The following ZEB1 variants were observed in gnomAD, a reference collection of about 807,000 sequenced individuals.
ZEB1 encodes zinc finger E-box binding homeobox 1.
Under a neutral mutation model 84.9 loss-of-function variants are expected in ZEB1, and 21 were observed. The observed-to-expected ratio is 0.25, with a 90% CI of 0.18 to 0.36. ZEB1 has a LOEUF of 0.36. Among genes scored for constraint, ZEB1 ranks in the 10% least tolerant of loss-of-function variants. The probability of loss-of-function intolerance (pLI) is 1.00; values close to 1 mark genes in which losing one functional copy is unlikely to be tolerated. For missense variants in ZEB1, 1,104 were observed against 1,330.2 expected (o/e 0.83, Z 2.65); for synonymous variants, 420 against 471.1 (o/e 0.89, Z 1.41).
intron 2 of ZEB1, among the ~76,000 whole-genome samples, chr10:31,478,224 CAT>C (rs2064526084): frequency 6.6e-6 from 1 of 151,938 alleles, no homozygotes; most frequent in Non-Finnish European, 1.5e-5. Flanking sequence ...TAAAAGAAGA[CAT>C]AAAGTTGCCA....
At chr10:31,524,420 G>A (rs1262146721) in intron 8 of ZEB1, among the ~76,000 whole-genome samples, 104 of 152,120 alleles carry the variant, frequency 6.8e-4, no homozygotes, top group African/African-American at 2.4e-3. Context: ...TGTTGCCCAG[G>A]CTGGTCTTGA....
chr10:31,451,029 G>C (rs572660829), intron 1 of ZEB1, among the ~76,000 whole-genome samples: 1 of 152,138 alleles, frequency 6.6e-6, no homozygotes, highest in South Asian at 2.1e-4. Flanking sequence ...AAAATTATCA[G>C]TCCTTTACAG....
rs1057518956 is a variant in ZEB1 at position 31,520,308 on chromosome 10, C to A, written c.976C>A (p.Arg326=). The A allele has an allele frequency of 6.2e-7, 1 of 1,613,842 alleles. No individual in the cohort carries two copies. The highest frequency in any genetic ancestry group is 2.2e-5 in the East Asian group (1 of 44,860). ...SLSASPGSPT[R]PQIRQKIENK... ...TTCAGCATCACCAGGCAGTCCCACA[C>A]GACCACAGATACGGCAAAAGATAGA... The change falls in exon 7 of 9, where the codon CGA becomes AGA. Residue 326 remains arginine (R), a synonymous_variant. Coordinates refer to ENST00000424869, the MANE Select transcript of ZEB1 (RefSeq NM_001174096.2). This position sits in a 1 kb window ranked among gnomAD's most constrained non-coding sequence, Gnocchi z 5.1.
chr10:31,444,152 T>C lies in ZEB1; in HGVS notation c.59-16885T>C, dbSNP rs540411389. 3.5e-4 allele frequency among the ~76,000 whole-genome samples: 53 copies of C among 150,812 alleles called. No homozygotes were observed. The East Asian group carries it at 9.1e-3, about 26-fold the overall frequency. Reference sequence around the variant, plus strand: ...TCATAGTGGTTTTGATTTGCATTTCTCTGATGGCTAGTGATGATGAGCATT... The same window carrying C: ...TCATAGTGGTTTTGATTTGCATTTCCCTGATGGCTAGTGATGATGAGCATT... On this transcript the variant is annotated intron_variant, in intron 1 of 8. Coordinates refer to ENST00000424869, the MANE Select transcript of ZEB1 (RefSeq NM_001174096.2).
intron 1 of ZEB1, among the ~76,000 whole-genome samples, chr10:31,448,732 A>G (rs1237905366): frequency 1.3e-5 from 2 of 152,160 alleles, no homozygotes; most frequent in East Asian, 3.9e-4. Context: ...CTAAGGGGTC[A>G]GGGGTCAGGG....
chr10:31,473,764 C>T (rs1591649532), intron 2 of ZEB1, among the ~76,000 whole-genome samples: 1 of 150,190 alleles, frequency 6.7e-6, no homozygotes, highest in East Asian at 1.9e-4. Flanking sequence ...CAATCCTAAG[C>T]CAAAAGAACA....
At chr10:31,496,804 C>T (rs1451438649) in intron 3 of ZEB1, among the ~76,000 whole-genome samples, 1 of 151,902 alleles carries the variant, frequency 6.6e-6, no homozygotes, top group Non-Finnish European at 1.5e-5. Context: ...TACAAATTAT[C>T]TTTCATTAGG....
At position 31,520,574 on chromosome 10, in the gene ZEB1, G is replaced by A; in HGVS notation, c.1242G>A (p.Gln414=). 2.5e-6 allele frequency: 4 copies of A among 1,614,000 alleles called. No individual in the cohort carries two copies. Among genetic ancestry groups the A allele is most frequent in the Non-Finnish European group, 2.5e-6 (3 of 1,179,968 alleles). Residue 414 remains glutamine (Q), a synonymous_variant, in exon 7 of 9, where the codon CAG becomes CAA. Coordinates refer to ENST00000424869, the MANE Select transcript of ZEB1 (RefSeq NM_001174096.2). This position sits in a 1 kb window ranked among gnomAD's most constrained non-coding sequence, Gnocchi z 5.1. ...TAAGTATCAATTTAAGTGATATTCAGAATGTACTTAAAGTGGCGGTAGATG... is the reference window on the plus strand; with the variant it reads ...TAAGTATCAATTTAAGTGATATTCAAAATGTACTTAAAGTGGCGGTAGATG... ...SPISINLSDI[Q]NVLKVAVDGN...
At chr10:31,484,261 G>T (rs987530473) in intron 2 of ZEB1, among the ~76,000 whole-genome samples, 4 of 151,912 alleles carry the variant, frequency 2.6e-5, no homozygotes, top group Admixed American at 6.6e-5. Flanking sequence ...CAGGGTCAGA[G>T]TACTAGGATG....
chr10:31,457,159 AACTAT>A (rs534324062), intron 1 of ZEB1, among the ~76,000 whole-genome samples: 121 of 152,280 alleles, frequency 7.9e-4, no homozygotes, highest in African/African-American at 2.5e-3. Flanking sequence ...TTTTCAGATA[AACTAT>A]ACTATATTTT....
At chr10:31,514,931 A>G (rs2070790759) in intron 6 of ZEB1, among the ~76,000 whole-genome samples, 1 of 152,068 alleles carries the variant, frequency 6.6e-6, no homozygotes, top group African/African-American at 2.4e-5. Context: ...AGATTTCCTA[A>G]TCAGAAGATA....
intron 1 of ZEB1, among the ~76,000 whole-genome samples, chr10:31,427,674 A>G (rs906448884): frequency 6.0e-4 from 92 of 152,262 alleles, no homozygotes; most frequent in African/African-American, 2.0e-3. Context: ...TAACATGGTG[A>G]AACCCCATCT....
intron 1 of ZEB1, among the ~76,000 whole-genome samples, chr10:31,346,158 T>C (rs1300962554): frequency 6.6e-6 from 1 of 152,194 alleles, no homozygotes; most frequent in Non-Finnish European, 1.5e-5. Context: ...TTAGTTAATT[T>C]ACAATTTGTT....
At position 31,473,116 on chromosome 10, in the gene ZEB1, A is replaced by G. The variant is rs1162290970; in HGVS notation, c.259+11879A>G. 3.3e-5 allele frequency among the ~76,000 whole-genome samples: 5 copies of G among 150,164 alleles called. No homozygotes were observed. The East Asian group carries it at 9.7e-4, about 29-fold the overall frequency. On this transcript the variant is annotated intron_variant, in intron 2 of 8. Coordinates refer to ENST00000424869, the MANE Select transcript of ZEB1 (RefSeq NM_001174096.2). ...CAGCCAATATCATACTGAATGGGCA[A>G]AAACTGGAAGCATTCCCTTTGAAAA...
At chr10:31,460,033 G>A (rs907139333) in intron 1 of ZEB1, among the ~76,000 whole-genome samples, 2 of 151,738 alleles carry the variant, frequency 1.3e-5, no homozygotes, top group East Asian at 1.9e-4. Context: ...CCCTTCTTCC[G>A]AATCTTTTCT....
At chr10:31,411,751 G>T (rs962167483) in intron 1 of ZEB1, among the ~76,000 whole-genome samples, 2 of 150,700 alleles carry the variant, frequency 1.3e-5, no homozygotes, top group African/African-American at 4.9e-5. Context: ...CCCTAACCTA[G>T]GCTCTTTTTC....
chr10:31,502,319 G>C (rs2068266880), intron 3 of ZEB1, 29 bp from the exon 4 acceptor site: 3 of 1,611,112 alleles, frequency 1.9e-6, no homozygotes, highest in Middle Eastern at 1.7e-4. Context: ...TGGTGAGATT[G>C]CTGTCTTAAA....
At position 31,521,362 on chromosome 10, in the gene ZEB1, A is replaced by G. The variant is rs536978134; in HGVS notation, c.2030A>G (p.Asn677Ser). 7 of 1,614,084 alleles carry G rather than the reference A, an allele frequency of 4.3e-6. No individual in the cohort carries two copies. The highest frequency in any genetic ancestry group is 5.1e-6 in the Non-Finnish European group (6 of 1,180,006). ...AATGAACCCCAGGACAGCACAGTAA[A>G]TCTACAAAGTCCTTTGAAGATGACT... ...NANEPQDSTV[N>S]LQSPLKMTNS... Residue 677 changes from asparagine (N) to serine (S), a missense_variant, in exon 7 of 9, where the codon AAT becomes AGT. Transcript: ENST00000424869.
chr10:31,472,351 T>C (rs370671405), intron 2 of ZEB1, among the ~76,000 whole-genome samples: 68 of 151,698 alleles, frequency 4.5e-4, no homozygotes, highest in South Asian at 1.9e-3. Flanking sequence ...ATCAAATAGA[T>C]GCAATAAAAA....
Sources: gnomAD v4.1 joint callset for allele counts (sites outside exome capture counted in the v4.1 genomes callset) on GRCh38, gnomAD v4.1.1 for gene constraint, Gnocchi (gnomAD v3.1) non-coding constraint, MANE v1.5 for transcripts, NCBI Gene and HGNC (gene_info 2026-07-23, HGNC 2026-07-21) for gene names.